Variants in EPB41 observed in about 807,000 individuals in gnomAD.
EPB41 encodes the protein erythrocyte membrane protein band 4.1.
A neutral mutation model predicts 108.0 loss-of-function variants in EPB41; 65 were observed. That is an observed-to-expected ratio of 0.60 (90% CI 0.49 to 0.74). The LOEUF (loss-of-function observed/expected upper bound fraction) is 0.74. EPB41 is among the 30% of genes least tolerant of loss of function. EPB41 has a pLI of 0.00. For missense variants in EPB41, 875 were observed against 1,037.0 expected (o/e 0.84, Z 2.15); for synonymous variants, 336 against 358.9 (o/e 0.94, Z 0.72).
At chr1:29,062,850 G>T (rs754198356) in intron 15 of EPB41, among the ~76,000 whole-genome samples, 3 of 152,044 alleles carry the variant, frequency 2.0e-5, no homozygotes, top group Admixed American at 1.3e-4. Flanking sequence ...TTTACTCTGT[G>T]CCCCCACAGG....
intron 17 of EPB41, among the ~76,000 whole-genome samples, chr1:29,101,395 A>T (rs1005339678): frequency 6.6e-6 from 1 of 152,216 alleles, no homozygotes; most frequent in African/African-American, 2.4e-5. Flanking sequence ...GAGGAAAATT[A>T]GGTGAAATGA....
intron 1 of EPB41, among the ~76,000 whole-genome samples, chr1:28,946,335 C>G (rs1214062502): frequency 6.6e-6 from 1 of 152,118 alleles, no homozygotes; most frequent in Admixed American, 6.6e-5. Flanking sequence ...TCTTGATCTC[C>G]TGACCTCGTG....
intron 1 of EPB41, among the ~76,000 whole-genome samples, chr1:28,928,168 T>C (rs2093555969): frequency 6.6e-6 from 1 of 152,042 alleles, no homozygotes; most frequent in Non-Finnish European, 1.5e-5. Context: ...CACACACCTC[T>C]GTAATTTGTG....
chr1:28,988,775 C>T (rs1309568324), intron 2 of EPB41, among the ~76,000 whole-genome samples: 3 of 152,156 alleles, frequency 2.0e-5, no homozygotes, highest in South Asian at 4.1e-4. Flanking sequence ...TAATCTCAAA[C>T]TCCTGGGCTC....
intron 4 of EPB41, among the ~76,000 whole-genome samples, chr1:29,003,527 A>G (rs1020368738): frequency 1.3e-5 from 2 of 152,204 alleles, no homozygotes; most frequent in East Asian, 1.9e-4. Flanking sequence ...AATGTGAGCC[A>G]TAATACAATG....
chr1:29,096,275 A>G, intron 16 of EPB41: 1 of 985,836 alleles, frequency 1.0e-6, no homozygotes, highest in Non-Finnish European at 1.2e-6. Context: ...CCAGATGACC[A>G]CCTCGTCGGA....
chr1:29,080,028 A>G (rs1655814938), intron 16 of EPB41, among the ~76,000 whole-genome samples: 2 of 152,162 alleles, frequency 1.3e-5, no homozygotes, highest in South Asian at 4.1e-4. Flanking sequence ...TATTTCTCTG[A>G]GGAGAATTCC....
At chr1:29,055,981 A>G (rs1645337404) in intron 12 of EPB41, among the ~76,000 whole-genome samples, 1 of 150,642 alleles carries the variant, frequency 6.6e-6, no homozygotes, top group African/African-American at 2.5e-5. Context: ...TCACGCCTGT[A>G]ATCCCAGCAC....
At chr1:29,058,513 C>T in intron 12 of EPB41, 76 bp from the exon 13 acceptor site, 8 of 1,315,764 alleles carry the variant, frequency 6.1e-6, no homozygotes, top group Non-Finnish European at 8.7e-6. Context: ...AAAGATGCAG[C>T]TTATTTGGAA....
chr1:28,898,591 C>G (rs2090955573), intron 1 of EPB41, among the ~76,000 whole-genome samples: 1 of 152,244 alleles, frequency 6.6e-6, no homozygotes, highest in South Asian at 2.1e-4. Flanking sequence ...ATTTAGACTC[C>G]TCAATCTCCT....
At chr1:28,971,298 C>T (rs1553201826) in intron 1 of EPB41, among the ~76,000 whole-genome samples, 2 of 150,296 alleles carry the variant, frequency 1.3e-5, no homozygotes, top group Non-Finnish European at 2.9e-5. Flanking sequence ...ATTCTTCTGC[C>T]TCAGCCTCCC....
chr1:28,974,360 TTTC>T lies in EPB41; in HGVS notation c.-7-13069_-7-13067del, dbSNP rs565943464. Reference sequence around the variant, plus strand: ...GATTGTAAGCTGTTTTAGAATTTCATTTCTGTTGGGGCATGTTCTGTCAAGGAC... The same window carrying T: ...GATTGTAAGCTGTTTTAGAATTTCATTGTTGGGGCATGTTCTGTCAAGGAC... On this transcript the variant is annotated intron_variant, in intron 1 of 20. Coordinates refer to ENST00000343067, the MANE Select transcript of EPB41 (RefSeq NM_001376013.1). Among the ~76,000 whole-genome samples the T allele has an allele frequency of 3.7e-3, 569 of 152,308 alleles. 6 individuals are homozygous for T. The highest frequency in any genetic ancestry group is 0.013 in the African/African-American group (530 of 41,562).
At chr1:29,104,200 T>A (rs1331661518) in intron 17 of EPB41, among the ~76,000 whole-genome samples, 1 of 152,228 alleles carries the variant, frequency 6.6e-6, no homozygotes, top group East Asian at 1.9e-4. Flanking sequence ...GTTTCCAAAG[T>A]GCCTGGCAGA....
chr1:29,000,389 T>A (rs2096272447), intron 4 of EPB41, among the ~76,000 whole-genome samples: 1 of 152,240 alleles, frequency 6.6e-6, no homozygotes, highest in Non-Finnish European at 1.5e-5. Context: ...CGTGAGTCAC[T>A]GCACCCAACC....
intron 11 of EPB41, among the ~76,000 whole-genome samples, chr1:29,047,389 A>G (rs1351660230): frequency 2.0e-5 from 3 of 147,910 alleles, no homozygotes; most frequent in South Asian, 2.1e-4. Flanking sequence ...AGCTGGTACC[A>G]CAAGTTCACG....
In EPB41 at chr1:29,097,601, C is replaced by T; in HGVS notation, c.2185-206C>T. On this transcript the variant is annotated intron_variant, in intron 16 of 20. Transcript: ENST00000343067. ...GCTTATGAAAGTGATTACAGTAATGCTGCTTTTTAATATCCCTCATGATTT... is the reference window on the plus strand; with the variant it reads ...GCTTATGAAAGTGATTACAGTAATGTTGCTTTTTAATATCCCTCATGATTT... 8 of 607,554 alleles carry T rather than the reference C, an allele frequency of 1.3e-5. 1 individual carries two copies. In the South Asian group the frequency reaches 1.5e-4, roughly 12 times the overall value. The allele number at this position is 607,554 out of a possible 1,614,324, so 37.6% of individuals were successfully genotyped here.
intron 8 of EPB41, among the ~76,000 whole-genome samples, chr1:29,032,799 C>A (rs930612075): frequency 6.6e-6 from 1 of 151,956 alleles, no homozygotes; most frequent in African/African-American, 2.4e-5. Flanking sequence ...GAGTCAACTC[C>A]TACATTTAAC....
chr1:28,971,410 C>G (rs2149308331), intron 1 of EPB41, among the ~76,000 whole-genome samples: 1 of 152,032 alleles, frequency 6.6e-6, no homozygotes, highest in Admixed American at 6.6e-5. Flanking sequence ...TCTTGAACTC[C>G]TGACCTCAAG....
At chr1:28,951,889 A>G (rs1301039856) in intron 1 of EPB41, among the ~76,000 whole-genome samples, 2 of 152,138 alleles carry the variant, frequency 1.3e-5, no homozygotes, top group African/African-American at 4.8e-5. Flanking sequence ...CAAAATAAAT[A>G]AATAAATAAA....
Sources: allele counts gnomAD v4.1 joint callset (sites outside exome capture counted in the v4.1 genomes callset), GRCh38; gene constraint gnomAD v4.1.1; transcripts MANE v1.5; gene names NCBI Gene and HGNC (gene_info 2026-07-23, HGNC 2026-07-21).